The following PER2 variants were observed in gnomAD, a reference collection of about 807,000 sequenced individuals.
PER2 encodes the protein period circadian protein homolog 2.
PER2 carries 66 observed loss-of-function variants against 121.0 expected under a neutral mutation model. The ratio of observed to expected loss-of-function variants is 0.55; its 90% CI spans 0.45 to 0.67. The LOEUF is 0.67. Among genes scored for constraint, PER2 ranks in the 30% least tolerant of loss-of-function variants. The pLI, the probability that PER2 is intolerant of heterozygous loss-of-function variation, is 0.00. For synonymous variants in PER2, 684 were observed against 659.9 expected (o/e 1.04, Z -0.56); for missense variants, 1,521 against 1,635.0 (o/e 0.93, Z 1.20).
chr2:238,244,349 A>G lies in PER2; in HGVS notation c.*2026T>C, dbSNP rs1373045267. On this transcript the variant is annotated 3_prime_UTR_variant, in exon 23 of 23. Transcript: ENST00000254657. ...TTGGCATCACGTAAACAAATTCACA[A>G]GATGATCCTATTAAGTCAACTGCTT... 2 of 152,638 alleles carry G rather than the reference A, an allele frequency of 1.3e-5. No individual in the cohort carries two copies. Among genetic ancestry groups the G allele is most frequent in the Non-Finnish European group, 2.9e-5 (2 of 68,058 alleles). 9.5% of individuals were successfully genotyped at this position (152,638 alleles called of 1,614,324 possible).
chr2:238,266,929 G>C (rs528465823), intron 8 of PER2, among the ~76,000 whole-genome samples: 96 of 151,934 alleles, frequency 6.3e-4, no homozygotes, highest in African/African-American at 1.8e-3. Context: ...TCCACCTGTA[G>C]TCCCAGGTAC....
intron 5 of PER2, among the ~76,000 whole-genome samples, chr2:238,272,544 A>G (rs941064683): frequency 5.9e-5 from 9 of 152,374 alleles, no homozygotes; most frequent in Non-Finnish European, 1.0e-4. Flanking sequence ...TGATGGTCCC[A>G]GCACATGTGG....
intron 3 of PER2, 48 bp downstream of exon 3, chr2:238,277,083 T>C: frequency 7.3e-7 from 1 of 1,375,714 alleles, no homozygotes; most frequent in Non-Finnish European, 1.0e-6. Context: ...ATAAGAAGTC[T>C]TTCAATTTCT....
At chr2:238,292,515 G>A (rs879778379), upstream of PER2, among the ~76,000 whole-genome samples, 1 of 152,184 alleles carries the variant, frequency 6.6e-6, no homozygotes, top group Non-Finnish European at 1.5e-5. Context: ...CATTTGATGT[G>A]GAATAGAATG....
intron 13 of PER2, 113 bp from the exon 14 acceptor site, chr2:238,260,166 CTG>C (rs1695884586): frequency 1.5e-6 from 1 of 651,360 alleles, no homozygotes; most frequent in Admixed American, 2.7e-5. Context: ...CAGAAGGAAA[CTG>C]TGGATGAGAA....
intron 20 of PER2, among the ~76,000 whole-genome samples, chr2:238,251,226 T>G (rs1193829395): frequency 3.3e-5 from 5 of 152,172 alleles, no homozygotes; most frequent in Admixed American, 1.3e-4. Flanking sequence ...AGATTCCAGA[T>G]CACATGTGAA....
intron 3 of PER2, 127 bp downstream of exon 3, chr2:238,277,004 C>T (rs1184045597): frequency 1.3e-6 from 1 of 792,458 alleles, no homozygotes; most frequent in African/African-American, 1.7e-5. Context: ...TTCGTACCCA[C>T]ATAGCCACAC....
At chr2:238,265,075 G>A (rs114274327) in intron 9 of PER2, among the ~76,000 whole-genome samples, 1 of 152,182 alleles carries the variant, frequency 6.6e-6, no homozygotes, top group Non-Finnish European at 1.5e-5. Context: ...AGCACCCTGA[G>A]GGGGAGACCC....
At chr2:238,278,030 C>T in intron 1 of PER2, 75 bp from the exon 2 acceptor site, 1 of 1,483,992 alleles carries the variant, frequency 6.7e-7, no homozygotes. Context: ...AGGTAGAGCA[C>T]CCATTTGACT....
At chr2:238,292,374 G>A (rs899260659), upstream of PER2, among the ~76,000 whole-genome samples, 1 of 152,186 alleles carries the variant, frequency 6.6e-6, no homozygotes, top group Admixed American at 6.5e-5. Flanking sequence ...ATCTTTCTTC[G>A]CCTCACCCTG....
Position 238,253,834 on chromosome 2 carries a change from T to C in PER2, c.2321-132A>G. ...TGGTCCACCGAGCGGTTTTCCCTGA[T>C]CCTCAGTGAAGTGAGAAAAATCAGG... On this transcript the variant is annotated intron_variant, in intron 18 of 22. Transcript: ENST00000254657. The surrounding 1 kb of genome is among the most constrained non-coding windows in gnomAD (Gnocchi z 5.6). The C allele has an allele frequency of 5.6e-6, 4 of 710,414 alleles. No individual in the cohort carries two copies. Among genetic ancestry groups the C allele is most frequent in the Non-Finnish European group, 9.8e-6 (4 of 406,174 alleles). The allele number at this position is 710,414 out of a possible 1,614,324, so 44.0% of individuals were successfully genotyped here. A position where few individuals can be genotyped will look rare whatever the true frequency, so the allele number is the denominator to read the frequency against.
chr2:238,251,542 G>A (rs1163502087), intron 20 of PER2, 57 bp downstream of exon 20: 3 of 1,493,388 alleles, frequency 2.0e-6, no homozygotes, highest in Non-Finnish European at 2.8e-6. Flanking sequence ...TGACTCTGGA[G>A]CAGTGCATCC....
chr2:238,283,352 T>C (rs1696687153), intron 1 of PER2, among the ~76,000 whole-genome samples: 1 of 152,218 alleles, frequency 6.6e-6, no homozygotes, highest in African/African-American at 2.4e-5. Context: ...TTTTCTTCCT[T>C]ACCTCCCTTT....
rs923105801 is a variant in PER2, at chr2:238,246,152, A to G, written c.*223T>C. On this transcript the variant is annotated 3_prime_UTR_variant, in exon 23 of 23. Transcript: ENST00000254657. ...TCTTCCCCATCCCACAAAACTCCACATATATATTTTATATATAAAAACATA... is the reference window on the plus strand; with the variant it reads ...TCTTCCCCATCCCACAAAACTCCACGTATATATTTTATATATAAAAACATA... 1.0e-5 allele frequency: 3 copies of G among 297,672 alleles called. No individual in the cohort carries two copies. The highest frequency in any genetic ancestry group is 1.8e-5 in the Non-Finnish European group (3 of 163,690). The allele number at this position is 297,672 out of a possible 1,614,324, so 18.4% of individuals were successfully genotyped here. A position where few individuals can be genotyped will look rare whatever the true frequency, so the allele number is the denominator to read the frequency against.
chr2:238,283,451 A>C (rs934917390), intron 1 of PER2, among the ~76,000 whole-genome samples: 3 of 152,234 alleles, frequency 2.0e-5, no homozygotes, highest in African/African-American at 7.2e-5. Flanking sequence ...GGCAGACCTG[A>C]AGAGAGTGGA....
intron 20 of PER2, 25 bp from the exon 21 acceptor site, chr2:238,250,768 G>A (rs372254631): frequency 2.6e-5 from 39 of 1,520,200 alleles, no homozygotes; most frequent in Admixed American, 2.2e-4. Context: ...AACGTGGTGC[G>A]TCAAAACATT....
chr2:238,291,074 T>C (rs558246023), upstream of PER2, among the ~76,000 whole-genome samples: 4 of 152,316 alleles, frequency 2.6e-5, no homozygotes, highest in East Asian at 7.7e-4. Flanking sequence ...AGCACGGAGC[T>C]CAGAGCTCTT....
intron 12 of PER2, chr2:238,261,505 C>T: frequency 1.7e-6 from 1 of 593,090 alleles, no homozygotes; most frequent in Non-Finnish European, 3.1e-6. Context: ...CTCAGGGCTG[C>T]AGTTCAGACA....
At position 238,260,858 on chromosome 2, in the gene PER2, G is replaced by A. The variant is rs145850151; in HGVS notation, c.1512C>T (p.Asn504=). ...TCCTCCGGCGTGAGTCCTCATGGCC[G>A]TTGCTGTCGCTGGAGGAGGTCTGGC... ...LMSQTSSSDS[N]GHEDSRRRRA... The change falls in exon 13 of 23, where the codon AAC becomes AAT. Residue 504 remains asparagine, a synonymous_variant. Transcript: ENST00000254657. 9.3e-6 allele frequency: 15 copies of A among 1,614,086 alleles called. No individual in the cohort carries two copies. The highest frequency in any genetic ancestry group is 8.0e-5 in the African/African-American group (6 of 75,058).
Sources: gnomAD v4.1 joint callset for allele counts (sites outside exome capture counted in the v4.1 genomes callset) on GRCh38, gnomAD v4.1.1 for gene constraint, Gnocchi (gnomAD v3.1) non-coding constraint, MANE v1.5 for transcripts, NCBI Gene and HGNC (gene_info 2026-07-23, HGNC 2026-07-21) for gene names.